AGMO: variants seen among roughly 807,000 people sequenced by gnomAD.
AGMO encodes the protein alkylglycerol monooxygenase, also known as glyceryl-ether monooxygenase.
In AGMO, 75 loss-of-function variants were observed where a neutral mutation model predicts 60.2. That is an observed-to-expected ratio of 1.25 (90% CI 1.03 to 1.51). The LOEUF is 1.51. Among genes scored for constraint, AGMO ranks in the 40% most tolerant of loss-of-function variants. The probability of loss-of-function intolerance (pLI) is 0.00; values close to 1 mark genes in which losing one functional copy is unlikely to be tolerated. For missense variants in AGMO, 763 were observed against 525.5 expected (o/e 1.45, Z -4.42); for synonymous variants, 261 against 177.1 (o/e 1.47, Z -3.76).
intron 5 of AGMO, among the ~76,000 whole-genome samples, chr7:15,400,360 G>A (rs1355971553): frequency 6.6e-6 from 1 of 152,102 alleles, no homozygotes; most frequent in East Asian, 1.9e-4. Flanking sequence ...GAGCAGTGGT[G>A]GGTTTAGTGC....
intron 12 of AGMO, among the ~76,000 whole-genome samples, chr7:15,337,173 G>A (rs961243855): frequency 1.3e-5 from 2 of 152,234 alleles, no homozygotes; most frequent in African/African-American, 4.8e-5. Context: ...GCAACTACAG[G>A]CTTTCTAAAG....
intron 12 of AGMO, among the ~76,000 whole-genome samples, chr7:15,204,336 T>C (rs945945707): frequency 6.6e-6 from 1 of 152,190 alleles, no homozygotes; most frequent in Admixed American, 6.5e-5. Context: ...TTAGGTCTCC[T>C]TAGTTGATTA....
chr7:15,265,112 AT>A (rs1195435879), intron 12 of AGMO, among the ~76,000 whole-genome samples: 1 of 152,194 alleles, frequency 6.6e-6, no homozygotes, highest in Admixed American at 6.6e-5. Flanking sequence ...TTAAAAAAGA[AT>A]GAAATCATGT....
chr7:15,199,527 A>G (rs989441491), downstream of AGMO, among the ~76,000 whole-genome samples: 1 of 152,176 alleles, frequency 6.6e-6, no homozygotes, highest in Non-Finnish European at 1.5e-5. Context: ...CATACTAAAC[A>G]ACTATGTAAA....
intron 2 of AGMO, among the ~76,000 whole-genome samples, chr7:15,554,163 C>T (rs1235313833): frequency 6.6e-6 from 1 of 151,992 alleles, no homozygotes; most frequent in Non-Finnish European, 1.5e-5. Flanking sequence ...CTCAGAAGAC[C>T]TTGAATCATA....
At chr7:15,255,013 G>C (rs1420361459) in intron 12 of AGMO, among the ~76,000 whole-genome samples, 1 of 151,156 alleles carries the variant, frequency 6.6e-6, no homozygotes, top group Non-Finnish European at 1.5e-5. Flanking sequence ...ATACACCATG[G>C]AATACTATGC....
At chr7:15,263,278 C>T (rs558046544) in intron 12 of AGMO, among the ~76,000 whole-genome samples, 1 of 151,880 alleles carries the variant, frequency 6.6e-6, no homozygotes, top group Middle Eastern at 3.4e-3. Context: ...CATGAATAGA[C>T]AATTCTCTCA....
chr7:15,357,096 C>T (rs1411523572), intron 12 of AGMO, among the ~76,000 whole-genome samples: 4 of 148,312 alleles, frequency 2.7e-5, no homozygotes, highest in Admixed American at 6.8e-5. Flanking sequence ...TGCACAGAAG[C>T]GAGACTCTGT....
intron 10 of AGMO, among the ~76,000 whole-genome samples, chr7:15,382,686 G>C (rs1056754797): frequency 5.3e-5 from 8 of 152,152 alleles, no homozygotes; most frequent in African/African-American, 1.9e-4. Flanking sequence ...TAGAAGCGCT[G>C]CATGTTTGAA....
chr7:15,310,312 C>A (rs1780732096), intron 12 of AGMO, among the ~76,000 whole-genome samples: 1 of 151,946 alleles, frequency 6.6e-6, no homozygotes, highest in Non-Finnish European at 1.5e-5. Flanking sequence ...ACATTTTTAG[C>A]AAAAATTTCA....
intron 12 of AGMO, among the ~76,000 whole-genome samples, chr7:15,295,446 T>G (rs1286398620): frequency 6.6e-6 from 1 of 151,990 alleles, no homozygotes; most frequent in African/African-American, 2.4e-5. Context: ...TTTAATATAT[T>G]AGAATACAAT....
At chr7:15,405,465 A>C (rs1784661006) in intron 5 of AGMO, among the ~76,000 whole-genome samples, 1 of 151,868 alleles carries the variant, frequency 6.6e-6, no homozygotes, top group African/African-American at 2.4e-5. Context: ...CCAGAGATTT[A>C]TTTTACGTGG....
chr7:15,286,180 A>T (rs1784092054), intron 12 of AGMO, among the ~76,000 whole-genome samples: 1 of 152,098 alleles, frequency 6.6e-6, no homozygotes, highest in African/African-American at 2.4e-5. Context: ...ATAATTTATG[A>T]CTAAGACCCC....
intron 5 of AGMO, chr7:15,396,215 C>G (rs1784374854): frequency 6.6e-6 from 1 of 152,486 alleles, no homozygotes; most frequent in Non-Finnish European, 1.5e-5. Flanking sequence ...TCGCTGACTT[C>G]AAGAAAGAAG....
At chr7:15,292,740 CTTTT>C (rs1335532465) in intron 12 of AGMO, among the ~76,000 whole-genome samples, 1 of 137,680 alleles carries the variant, frequency 7.3e-6, no homozygotes, top group Admixed American at 7.4e-5. Context: ...CAGTCTCCTC[CTTTT>C]TTTTTCCTTT....
At chr7:15,432,379 T>TATATATATATATACAC (rs373845365) in intron 3 of AGMO, among the ~76,000 whole-genome samples, 1 of 136,194 alleles carries the variant, frequency 7.3e-6, no homozygotes, top group African/African-American at 2.8e-5. Context: ...CATATATATA[T>TATATATATATATACAC]ACACTATCTG....
At chr7:15,449,379 T>A (rs1448459877) in intron 3 of AGMO, among the ~76,000 whole-genome samples, 1 of 152,068 alleles carries the variant, frequency 6.6e-6, no homozygotes, top group Admixed American at 6.6e-5. Context: ...TATAAACATA[T>A]ACAGCCATGT....
At chr7:15,260,590 A>C (rs1783239171) in intron 12 of AGMO, among the ~76,000 whole-genome samples, 1 of 152,138 alleles carries the variant, frequency 6.6e-6, no homozygotes, top group Admixed American at 6.6e-5. Context: ...TATTCCACTG[A>C]CAGCACTAGA....
intron 12 of AGMO, among the ~76,000 whole-genome samples, chr7:15,229,739 T>C (rs1712069548): frequency 1.4e-5 from 2 of 147,224 alleles, no homozygotes; most frequent in Admixed American, 6.8e-5. Flanking sequence ...TTATATATTA[T>C]AATATATATA....
Sources: allele counts gnomAD v4.1 joint callset (sites outside exome capture counted in the v4.1 genomes callset), GRCh38; gene constraint gnomAD v4.1.1; transcripts MANE v1.5; gene names NCBI Gene and HGNC (gene_info 2026-07-23, HGNC 2026-07-21).